RPL7: variants seen among roughly 807,000 people sequenced by gnomAD.
The protein encoded by RPL7 is large ribosomal subunit protein uL30.
For synonymous variants in RPL7, 100 were observed against 102.2 expected, an observed-to-expected ratio of 0.98 and a Z score of 0.13; for missense variants, 205 against 301.9, an observed-to-expected ratio of 0.68 and a Z score of 2.38.
At chr8:73,290,901 T>C in intron 6 of RPL7, 142 bp downstream of exon 6, 1 of 667,600 alleles carries the variant, frequency 1.5e-6, no homozygotes, top group Non-Finnish European at 2.6e-6. Flanking sequence ...ACTGTAATCA[T>C]TAAGATAGTT....
At chr8:73,292,564 A>G in intron 2 of RPL7, 125 bp downstream of exon 2, 1 of 1,009,026 alleles carries the variant, frequency 9.9e-7, no homozygotes, top group Non-Finnish European at 1.5e-6. Flanking sequence ...TTCAGATTGT[A>G]ACATTAGGTA....
chr8:73,290,526 G>A lies in RPL7; in HGVS notation c.*181C>T, dbSNP rs141514166. 859 of 152,864 alleles carry A rather than the reference G, an allele frequency of 5.6e-3. 16 individuals carry two copies. The highest frequency in any genetic ancestry group is 0.026 in the Admixed American group (396 of 15,352). 9.5% of individuals were successfully genotyped at this position (152,864 alleles called of 1,614,324 possible). A position where few individuals can be genotyped will look rare whatever the true frequency, so the allele number is the denominator to read the frequency against. On this transcript the variant is annotated 3_prime_UTR_variant, in exon 7 of 7. Transcript: ENST00000352983. ...CACAGACTCGACCCTGATTTTGCACGAAATGGGCTGTTGATTTGGCTTAAT... is the reference window on the plus strand; with the variant it reads ...CACAGACTCGACCCTGATTTTGCACAAAATGGGCTGTTGATTTGGCTTAAT...
Position 73,291,027 on chromosome 8 carries a change from G to C in RPL7, c.*1+16C>G, listed in dbSNP as rs369833443. On this transcript the variant is annotated intron_variant, in intron 6 of 6. Coordinates refer to ENST00000352983, the MANE Select transcript of RPL7 (RefSeq NM_000971.4). Reference sequence around the variant, plus strand: ...TCTAACATTAACTCAACCTTTCTCAGGATGAGGTCTCTCACCTTAGTTCAT... The same window carrying C: ...TCTAACATTAACTCAACCTTTCTCACGATGAGGTCTCTCACCTTAGTTCAT... The C allele has an allele frequency of 1.3e-6, 2 of 1,591,086 alleles. No homozygotes were observed. The highest frequency in any genetic ancestry group is 1.7e-5 in the Admixed American group (1 of 59,958).
In RPL7 at chr8:73,291,118, T is replaced by C; in HGVS notation, c.673A>G (p.Thr225Ala). The part of the protein sequence containing the change: ...SPRGGMKKKT[T>A]HFVEGGDAGN... ...GCATCTCCACCTTCTACAAAATGGG[T>C]GGTCTTTTTCTTCATTCCACCTCGT... The change falls in exon 6 of 7, where the codon ACC becomes GCC. Residue 225 changes from threonine to alanine, a missense_variant. Coordinates refer to ENST00000352983, the MANE Select transcript of RPL7 (RefSeq NM_000971.4). 1 of 1,608,702 alleles carries C rather than the reference T, an allele frequency of 6.2e-7. No homozygotes were observed. The highest frequency in any genetic ancestry group is 1.3e-5 in the African/African-American group (1 of 74,924).
chr8:73,291,586 A>G lies in RPL7; in HGVS notation c.504T>C (p.Ala168=). The G allele has an allele frequency of 6.3e-7, 1 of 1,597,326 alleles. No homozygotes were observed. Among genetic ancestry groups the G allele is most frequent in the Non-Finnish European group, 8.6e-7 (1 of 1,166,766 alleles). Residue 168 remains alanine (A), a synonymous_variant, in exon 5 of 7, where the codon GCT becomes GCC. Transcript: ENST00000352983. The part of the protein sequence containing the change: ...GYGKINKKRI[A]LTDNALIARS... ...GAGCAATCAAAGCGTTATCTGTCAA[A>G]GCAATTCGCTTCTTATTGATTTTGC...
chr8:73,293,490 G>T, intron 1 of RPL7, 109 bp downstream of exon 1: 1 of 1,353,988 alleles, frequency 7.4e-7, no homozygotes, highest in East Asian at 2.5e-5. Context: ...CAATCAAGCA[G>T]GGAGGTGGGC....
intron 5 of RPL7, 80 bp downstream of exon 5, chr8:73,291,472 T>C (rs762211786): frequency 2.1e-4 from 221 of 1,059,904 alleles, no homozygotes; most frequent in Middle Eastern, 3.1e-4. Flanking sequence ...AGATTCACAA[T>C]AGTGAGAAAT....
chr8:73,293,072 T>TA (rs111698211), intron 1 of RPL7: 16,723 of 257,266 alleles, frequency 0.065, 27 homozygotes, highest in Non-Finnish European at 0.077. Context: ...GACGACTAAT[T>TA]AAAAAAAAAA....
upstream of RPL7, chr8:73,294,136 C>T (rs1346718077): frequency 4.4e-5 from 7 of 160,788 alleles, no homozygotes; most frequent in Non-Finnish European, 9.6e-5. Flanking sequence ...CTCCCGGCTC[C>T]CTGCCGCGGT....
intron 3 of RPL7, 24 bp from the exon 4 acceptor site, chr8:73,291,934 T>C (rs748764010): frequency 3.1e-6 from 5 of 1,601,994 alleles, no homozygotes; most frequent in Admixed American, 1.7e-5. Context: ...GGACCAGAAA[T>C]GCATTTGCCT....
At chr8:73,292,951 A>G (rs999037461) in intron 1 of RPL7, 154 bp from the exon 2 acceptor site, 8 of 528,974 alleles carry the variant, frequency 1.5e-5, no homozygotes, top group Admixed American at 3.6e-5. Context: ...TGTACGATGC[A>G]TATTTTAGCT....
upstream of RPL7, chr8:73,293,749 G>C (rs1814174006): frequency 2.0e-6 from 2 of 999,102 alleles, no homozygotes; most frequent in Admixed American, 2.4e-5. Flanking sequence ...CCTTGCAGAC[G>C]CAAAGAACTC....
Position 73,293,599 on chromosome 8 carries a change from T to A in RPL7, c.14A>T (p.Glu5Val), listed in dbSNP as rs781513626. The A allele has an allele frequency of 1.2e-6, 2 of 1,613,760 alleles. No individual in the cohort carries two copies. The highest frequency in any genetic ancestry group is 2.7e-5 in the African/African-American group (2 of 74,868). Residue 5 changes from glutamate (E) to valine (V), a missense_variant and splice_region_variant, in exon 1 of 7, where the codon GAA (glutamate) becomes GTA (valine). Transcript: ENST00000352983. Reference sequence around the variant, plus strand: ...CTCAAGAGGACCAGAAGCAACTCACTCTACACCCTCCATGGTTCCAGCCGG... The same window carrying A: ...CTCAAGAGGACCAGAAGCAACTCACACTACACCCTCCATGGTTCCAGCCGG... MEGV[E>V]EKKKEVPAVP...
At chr8:73,291,431 A>G in intron 5 of RPL7, 121 bp downstream of exon 5, 1 of 892,272 alleles carries the variant, frequency 1.1e-6, no homozygotes, top group Non-Finnish European at 1.7e-6. Context: ...TTTTCTTTTA[A>G]GCTAAATCAA....
upstream of RPL7, chr8:73,294,003 G>A (rs1176281976): frequency 2.2e-5 from 4 of 184,120 alleles, no homozygotes; most frequent in Admixed American, 6.0e-5. Flanking sequence ...CGCCCGGCGG[G>A]AGGGCAACGG....
At chr8:73,293,815 A>G, upstream of RPL7, 2 of 602,216 alleles carry the variant, frequency 3.3e-6, no homozygotes, top group Non-Finnish European at 5.9e-6. Context: ...AAGAAAATAT[A>G]TGCATTTGAT....
intron 1 of RPL7, chr8:73,292,999 G>A: frequency 7.2e-6 from 3 of 417,938 alleles, no homozygotes; most frequent in Non-Finnish European, 8.5e-6. Flanking sequence ...TGCCTAAAAC[G>A]CAATCACAAA....
intron 1 of RPL7, 149 bp from the exon 2 acceptor site, chr8:73,292,946 G>C (rs150984727): frequency 1.8e-6 from 1 of 542,536 alleles, no homozygotes; most frequent in Non-Finnish European, 3.3e-6. Context: ...TACAGTGTAC[G>C]ATGCATATTT....
intron 6 of RPL7, 51 bp downstream of exon 6, chr8:73,290,992 C>A: frequency 7.3e-7 from 1 of 1,365,640 alleles, no homozygotes; most frequent in Non-Finnish European, 1.0e-6. Context: ...AAGATTACCA[C>A]CACTTATACT....
Sources: allele counts gnomAD v4.1 joint callset, GRCh38; gene constraint gnomAD v4.1.1; transcripts MANE v1.5; gene names NCBI Gene and HGNC (gene_info 2026-07-23, HGNC 2026-07-21).